RASAL2: variants seen among roughly 807,000 people sequenced by gnomAD.
The protein encoded by RASAL2 is ras GTPase-activating protein nGAP.
In RASAL2, 58 loss-of-function variants were observed where a neutral mutation model predicts 128.9. The observed-to-expected ratio is 0.45, with a 90% CI of 0.36 to 0.56. The LOEUF is 0.56. RASAL2 is among the 20% of genes least tolerant of loss of function. The pLI, the probability that RASAL2 is intolerant of heterozygous loss-of-function variation, is 0.00. For missense variants in RASAL2, 1,360 were observed against 1,601.6 expected (o/e 0.85, Z 2.57); for synonymous variants, 561 against 580.8 (o/e 0.97, Z 0.49).
chr1:178,458,647 C>T (rs1677960960), intron 14 of RASAL2, 103 bp downstream of exon 14: 2 of 1,430,914 alleles, frequency 1.4e-6, no homozygotes, highest in Non-Finnish European at 1.9e-6. Flanking sequence ...ACAAGATTTC[C>T]TCTTAAAAGC....
In RASAL2 at chr1:178,136,757, A is replaced by C. The variant is rs201178710; in HGVS notation, c.202+42063A>C. 5.9e-3 allele frequency among the ~76,000 whole-genome samples: 45 copies of C among 7,616 alleles called. No individual in the cohort carries two copies. In the East Asian group the frequency reaches 0.12, roughly 21 times the overall value. 5.0% of individuals were successfully genotyped at this position (7,616 alleles called of 152,430 possible). On this transcript the variant is annotated intron_variant, in intron 1 of 17. Coordinates refer to ENST00000367649, the MANE Select transcript of RASAL2 (RefSeq NM_170692.4). ...AGGTGACAAAGTGAGACTCTGTCTC[A>C]AAAAAAAAAAAAAAAAAAAAAAAAA...
intron 3 of RASAL2, among the ~76,000 whole-genome samples, chr1:178,364,776 T>C (rs759902339): frequency 2.6e-5 from 4 of 152,188 alleles, no homozygotes; most frequent in Non-Finnish European, 5.9e-5. Flanking sequence ...TTGTATATAC[T>C]ATGAGTAAAA....
intron 3 of RASAL2, among the ~76,000 whole-genome samples, chr1:178,334,481 G>A (rs1669489405): frequency 6.6e-6 from 1 of 151,930 alleles, no homozygotes; most frequent in Non-Finnish European, 1.5e-5. Flanking sequence ...TGGGATTACA[G>A]GCATGCGCCA....
At chr1:178,412,744 T>TA (rs1321491845) in intron 4 of RASAL2, among the ~76,000 whole-genome samples, 3 of 152,180 alleles carry the variant, frequency 2.0e-5, no homozygotes, top group African/African-American at 7.2e-5. Flanking sequence ...ACCTCAACTG[T>TA]AATTTATGAA....
chr1:178,347,803 A>G (rs1670229412), intron 3 of RASAL2, among the ~76,000 whole-genome samples: 1 of 152,346 alleles, frequency 6.6e-6, no homozygotes, highest in Non-Finnish European at 1.5e-5. Flanking sequence ...ACTCCTATTT[A>G]TGTACCCAAT....
intron 3 of RASAL2, among the ~76,000 whole-genome samples, chr1:178,382,837 C>T (rs988924976): frequency 5.3e-5 from 8 of 152,124 alleles, no homozygotes; most frequent in South Asian, 2.1e-4. Context: ...CATTAAGATA[C>T]CCACTTGTCA....
At chr1:178,107,586 T>G (rs1165094281) in intron 1 of RASAL2, among the ~76,000 whole-genome samples, 1 of 152,140 alleles carries the variant, frequency 6.6e-6, no homozygotes, top group Non-Finnish European at 1.5e-5. Flanking sequence ...CCCAAATGTT[T>G]TCATCATCTT....
At chr1:178,223,881 T>C (rs1337599999) in intron 1 of RASAL2, among the ~76,000 whole-genome samples, 1 of 152,154 alleles carries the variant, frequency 6.6e-6, no homozygotes, top group Non-Finnish European at 1.5e-5. Context: ...GGGGCTTGTA[T>C]AGCTGGATGA....
intron 1 of RASAL2, among the ~76,000 whole-genome samples, chr1:178,246,042 C>G (rs936238850): frequency 6.6e-6 from 1 of 152,146 alleles, no homozygotes; most frequent in African/African-American, 2.4e-5. Flanking sequence ...ATTGTCTTGG[C>G]TATACAGGCT....
chr1:178,360,068 G>T (rs1010108000), intron 3 of RASAL2, among the ~76,000 whole-genome samples: 3 of 152,108 alleles, frequency 2.0e-5, no homozygotes, highest in African/African-American at 7.2e-5. Context: ...TGATCTCTAT[G>T]ATGGGGAGCC....
intron 1 of RASAL2, among the ~76,000 whole-genome samples, chr1:178,155,490 A>C (rs1180574219): frequency 6.6e-6 from 1 of 151,344 alleles, no homozygotes; most frequent in East Asian, 1.9e-4. Context: ...TTTTAGAAGT[A>C]CGATGTTGAC....
chr1:178,364,524 A>G (rs928511294), intron 3 of RASAL2, among the ~76,000 whole-genome samples: 5 of 152,246 alleles, frequency 3.3e-5, no homozygotes, highest in African/African-American at 4.8e-5. Flanking sequence ...TACCTAGTAC[A>G]TTGTAAATGC....
intron 4 of RASAL2, among the ~76,000 whole-genome samples, chr1:178,419,759 A>T (rs1408109215): frequency 6.6e-6 from 1 of 152,188 alleles, no homozygotes; most frequent in African/African-American, 2.4e-5. Flanking sequence ...ATGTTCAGGG[A>T]ACTCTAGATA....
At chr1:178,119,662 T>C (rs1439300294) in intron 1 of RASAL2, among the ~76,000 whole-genome samples, 1 of 152,242 alleles carries the variant, frequency 6.6e-6, no homozygotes, top group African/African-American at 2.4e-5. Flanking sequence ...GTGGTGTTGG[T>C]TGGCAACAGA....
intron 3 of RASAL2, among the ~76,000 whole-genome samples, chr1:178,344,186 C>T (rs929680309): frequency 2.6e-5 from 4 of 152,000 alleles, no homozygotes; most frequent in African/African-American, 9.7e-5. Context: ...ATTAAATTTT[C>T]AAAGAAGGTA....
At chr1:178,253,950 A>C (rs945027957) in intron 1 of RASAL2, among the ~76,000 whole-genome samples, 19 of 152,190 alleles carry the variant, frequency 1.2e-4, no homozygotes, top group Non-Finnish European at 2.6e-4. Flanking sequence ...CAAAGAGACA[A>C]ATCCGATCCT....
Position 178,273,107 on chromosome 1 carries a change from G to A in RASAL2, c.203-10457G>A, listed in dbSNP as rs142899463. Among the ~76,000 whole-genome samples the A allele has an allele frequency of 8.8e-3, 1,334 of 152,246 alleles. 11 individuals are homozygous for A. Among genetic ancestry groups the A allele is most frequent in the Middle Eastern group, 0.02 (6 of 294 alleles). ...AGACTTATTGTCCTGTATCAGCTAT[G>A]TTCCCAATAGGATTGTATTTCATGA... On this transcript the variant is annotated intron_variant, in intron 1 of 17. Transcript: ENST00000367649.
chr1:178,251,281 C>T (rs1665045021), intron 1 of RASAL2, among the ~76,000 whole-genome samples: 1 of 152,158 alleles, frequency 6.6e-6, no homozygotes, highest in African/African-American at 2.4e-5. Context: ...AAGCTTATAA[C>T]TTTGTTCTCT....
intron 17 of RASAL2, chr1:178,470,736 C>G (rs751466335): frequency 7.3e-7 from 1 of 1,365,064 alleles, no homozygotes; most frequent in Non-Finnish European, 9.8e-7. Context: ...AAGTAAACCC[C>G]GCGTCCGTTC....
Sources: allele counts gnomAD v4.1 joint callset (sites outside exome capture counted in the v4.1 genomes callset), GRCh38; gene constraint gnomAD v4.1.1; transcripts MANE v1.5; gene names NCBI Gene and HGNC (gene_info 2026-07-23, HGNC 2026-07-21).